Variants in AGBL4 observed in about 807,000 individuals in gnomAD.
AGBL4 encodes AGBL carboxypeptidase 4.
Under a neutral mutation model 66.4 loss-of-function variants are expected in AGBL4, and 58 were observed. The ratio of observed to expected loss-of-function variants is 0.87; its 90% CI spans 0.71 to 1.09. The LOEUF is 1.09. Ranked by LOEUF, AGBL4 falls within the 50% of genes least tolerant of loss-of-function variation. The pLI, the probability that AGBL4 is intolerant of heterozygous loss-of-function variation, is 0.00. For synonymous variants in AGBL4, 234 were observed against 222.9 expected, an observed-to-expected ratio of 1.05 and a Z score of -0.44; for missense variants, 579 against 631.0, an observed-to-expected ratio of 0.92 and a Z score of 0.88.
chr1:49,169,647 G>A (rs1443173714), intron 4 of AGBL4, among the ~76,000 whole-genome samples: 2 of 152,144 alleles, frequency 1.3e-5, no homozygotes, highest in Admixed American at 1.3e-4. Context: ...TTCCCATCCT[G>A]CTTAGGGGAT....
intron 1 of AGBL4, among the ~76,000 whole-genome samples, chr1:50,010,878 T>C (rs1013829181): frequency 1.3e-5 from 2 of 152,180 alleles, no homozygotes; most frequent in African/African-American, 2.4e-5. Flanking sequence ...CAAGAAAACA[T>C]TGGGGATATT....
intron 2 of AGBL4, among the ~76,000 whole-genome samples, chr1:49,735,823 A>C (rs1042491765): frequency 2.6e-5 from 4 of 152,158 alleles, no homozygotes; most frequent in African/African-American, 9.6e-5. Context: ...CTATGAGGAG[A>C]TAGAAGTATA....
At chr1:49,501,366 G>A (rs1471757832) in intron 3 of AGBL4, among the ~76,000 whole-genome samples, 1 of 152,012 alleles carries the variant, frequency 6.6e-6, no homozygotes, top group African/African-American at 2.4e-5. Context: ...AGGCTCACAA[G>A]GTGAGTCTCC....
intron 3 of AGBL4, among the ~76,000 whole-genome samples, chr1:49,259,368 G>A (rs1387700749): frequency 2.0e-5 from 3 of 152,084 alleles, no homozygotes; most frequent in Non-Finnish European, 4.4e-5. Flanking sequence ...TGGCAAATTG[G>A]ATAAAGAGTC....
chr1:49,053,729 C>T (rs1259437267), intron 4 of AGBL4, among the ~76,000 whole-genome samples: 10 of 152,044 alleles, frequency 6.6e-5, no homozygotes, highest in African/African-American at 2.4e-5. Context: ...ACCCTTTTAT[C>T]CGCAATGAGC....
chr1:48,846,982 G>GAAACAA (rs201015943), intron 6 of AGBL4, among the ~76,000 whole-genome samples: 86 of 151,578 alleles, frequency 5.7e-4, no homozygotes, highest in African/African-American at 1.9e-3. Flanking sequence ...TTACCCAGTT[G>GAAACAA]AAACAAAAAC....
intron 6 of AGBL4, among the ~76,000 whole-genome samples, chr1:48,822,155 T>A (rs964176363): frequency 6.6e-6 from 1 of 152,206 alleles, no homozygotes; most frequent in African/African-American, 2.4e-5. Flanking sequence ...GTTTCTTATA[T>A]AATTGATTCT....
At chr1:48,671,582 A>G (rs1383160687) in intron 6 of AGBL4, among the ~76,000 whole-genome samples, 2 of 152,250 alleles carry the variant, frequency 1.3e-5, no homozygotes, top group South Asian at 2.1e-4. Context: ...TATCAAACTC[A>G]TAAGGATCTT....
intron 4 of AGBL4, among the ~76,000 whole-genome samples, chr1:49,114,486 T>C (rs1645476128): frequency 1.3e-5 from 2 of 152,206 alleles, no homozygotes; most frequent in South Asian, 4.1e-4. Flanking sequence ...TTTGCTTTCT[T>C]ATGATTTGTG....
At chr1:49,511,552 G>T (rs536534402) in intron 3 of AGBL4, among the ~76,000 whole-genome samples, 3 of 151,152 alleles carry the variant, frequency 2.0e-5, no homozygotes, top group Non-Finnish European at 3.0e-5. Flanking sequence ...ACATGTATAT[G>T]TATGTAACTA....
chr1:49,421,785 T>C (rs1258558230), intron 3 of AGBL4, among the ~76,000 whole-genome samples: 3 of 152,172 alleles, frequency 2.0e-5, no homozygotes, highest in Non-Finnish European at 4.4e-5. Context: ...CTGCCATCTT[T>C]TCTACCATGA....
At chr1:48,598,490 A>T (rs1645029199) in intron 9 of AGBL4, among the ~76,000 whole-genome samples, 1 of 151,976 alleles carries the variant, frequency 6.6e-6, no homozygotes, top group Non-Finnish European at 1.5e-5. Flanking sequence ...AAATAAATTT[A>T]ATGAGGCCAG....
intron 4 of AGBL4, among the ~76,000 whole-genome samples, chr1:49,075,127 T>C (rs1557619630): frequency 6.6e-6 from 1 of 152,220 alleles, no homozygotes; most frequent in Non-Finnish European, 1.5e-5. Flanking sequence ...ATAATGTTTT[T>C]TGAACATTTG....
intron 3 of AGBL4, among the ~76,000 whole-genome samples, chr1:49,594,418 C>T (rs1351841805): frequency 9.9e-5 from 15 of 152,142 alleles, no homozygotes; most frequent in Admixed American, 9.8e-4. Context: ...CATAGGTATA[C>T]ATGTGCCATG....
chr1:49,880,329 AT>A (rs1228941032), intron 1 of AGBL4, among the ~76,000 whole-genome samples: 1 of 151,724 alleles, frequency 6.6e-6, no homozygotes. Flanking sequence ...TGATGTACAG[AT>A]GGGTTTTCAG....
At chr1:49,700,401 CT>C (rs1384723576) in intron 2 of AGBL4, among the ~76,000 whole-genome samples, 1 of 151,542 alleles carries the variant, frequency 6.6e-6, no homozygotes, top group African/African-American at 2.4e-5. Flanking sequence ...ATAGATTAAT[CT>C]AGAATCAAAA....
chr1:49,396,289 T>A (rs1303148477), intron 3 of AGBL4, among the ~76,000 whole-genome samples: 1 of 150,192 alleles, frequency 6.7e-6, no homozygotes, highest in African/African-American at 2.4e-5. Flanking sequence ...CCCTGTAACA[T>A]ACATACTTCT....
intron 6 of AGBL4, among the ~76,000 whole-genome samples, chr1:48,706,926 C>T (rs1157820491): frequency 2.0e-5 from 3 of 152,180 alleles, no homozygotes; most frequent in Non-Finnish European, 4.4e-5. Context: ...TTCCTGAGGT[C>T]GTTCTTGAGT....
At chr1:48,764,448 C>G (rs1644430706) in intron 6 of AGBL4, among the ~76,000 whole-genome samples, 1 of 151,884 alleles carries the variant, frequency 6.6e-6, no homozygotes, top group African/African-American at 2.4e-5. Context: ...AGAATCTGGA[C>G]TACACAAGAG....
Sources: allele counts gnomAD v4.1 joint callset (sites outside exome capture counted in the v4.1 genomes callset), GRCh38; gene constraint gnomAD v4.1.1; transcripts MANE v1.5; gene names NCBI Gene and HGNC (gene_info 2026-07-23, HGNC 2026-07-21).